The following DYNC2I1 variants were observed in gnomAD, a reference collection of about 807,000 sequenced individuals.
DYNC2I1 encodes dynein 2 intermediate chain 1.
DYNC2I1 carries 89 observed loss-of-function variants against 133.4 expected under a neutral mutation model. The ratio of observed to expected loss-of-function variants is 0.67; its 90% CI spans 0.56 to 0.80. The LOEUF is 0.80. Among genes scored for constraint, DYNC2I1 ranks in the 30% least tolerant of loss-of-function variants. DYNC2I1 has a pLI of 0.00. For synonymous variants in DYNC2I1, 504 were observed against 484.3 expected, an observed-to-expected ratio of 1.04 and a Z score of -0.54; for missense variants, 1,291 against 1,314.5, an observed-to-expected ratio of 0.98 and a Z score of 0.28.
chr7:158,856,800 C>G (rs1262912707), intron 1 of DYNC2I1, 50 bp downstream of exon 1: 3 of 1,231,050 alleles, frequency 2.4e-6, no homozygotes, highest in South Asian at 4.1e-5. Context: ...TTCGCGGACT[C>G]CTTCGGGCGC....
upstream of DYNC2I1, among the ~76,000 whole-genome samples, chr7:158,854,474 A>G (rs1841121290): frequency 1.4e-5 from 2 of 142,806 alleles, no homozygotes; most frequent in Non-Finnish European, 1.5e-5. Context: ...ACACAGGGAG[A>G]GGAACATCAC....
chr7:158,952,729 G>A (rs564786944), intron 4 of DYNC2I1, among the ~76,000 whole-genome samples: 12 of 150,896 alleles, frequency 8.0e-5, no homozygotes, highest in Admixed American at 2.6e-4. Flanking sequence ...GACAGAGTCC[G>A]CACCTTCATA....
intron 8 of DYNC2I1, 59 bp from the exon 9 acceptor site, chr7:158,901,680 T>C (rs1158679173): frequency 9.4e-7 from 1 of 1,058,956 alleles, no homozygotes; most frequent in Non-Finnish European, 1.4e-6. Context: ...CCCAATCTAT[T>C]TGCAATATTC....
At chr7:158,854,111 G>C (rs567201799), upstream of DYNC2I1, among the ~76,000 whole-genome samples, 191 of 152,092 alleles carry the variant, frequency 1.3e-3, no homozygotes, top group Non-Finnish European at 2.2e-3. Context: ...CGCTGAGTCA[G>C]TTCCTAAGTG....
At chr7:158,918,076 C>T (rs1332463809) in intron 14 of DYNC2I1, among the ~76,000 whole-genome samples, 1 of 152,122 alleles carries the variant, frequency 6.6e-6, no homozygotes, top group Admixed American at 6.5e-5. Context: ...CATATTCTGT[C>T]ACTTCTCACT....
chr7:158,931,305 C>G (rs62476516), intron 21 of DYNC2I1, among the ~76,000 whole-genome samples: 3,338 of 152,186 alleles, frequency 0.022, 59 homozygotes, highest in Admixed American at 0.053. Flanking sequence ...ACTCAGGGGT[C>G]AAAATTTTGG....
At chr7:158,881,377 G>A (rs965796400) in intron 5 of DYNC2I1, among the ~76,000 whole-genome samples, 38 of 152,196 alleles carry the variant, frequency 2.5e-4, no homozygotes, top group Admixed American at 1.2e-3. Flanking sequence ...TCAGCCACAC[G>A]GAAGGTTAGT....
chr7:158,921,625 T>G (rs139730327), intron 15 of DYNC2I1, among the ~76,000 whole-genome samples: 169 of 152,120 alleles, frequency 1.1e-3, no homozygotes, highest in African/African-American at 3.7e-3. Context: ...TCCCTGGAAT[T>G]GGAGGGGACG....
chr7:158,864,005 G>A (rs1373849671), intron 1 of DYNC2I1, among the ~76,000 whole-genome samples: 5 of 144,562 alleles, frequency 3.5e-5, no homozygotes, highest in East Asian at 2.1e-4. Context: ...CTGCGGATGT[G>A]GGGGAGAGCG....
chr7:158,923,418 C>T (rs1297835899), intron 16 of DYNC2I1, among the ~76,000 whole-genome samples, 153 bp from the exon 17 acceptor site: 1 of 152,156 alleles, frequency 6.6e-6, no homozygotes, highest in Non-Finnish European at 1.5e-5. Context: ...CCTTTTATTT[C>T]TGTGCAGGAG....
Position 158,942,143 on chromosome 7 carries a change from C to T in DYNC2I1, c.2997C>T (p.Pro999=). 6.5e-7 allele frequency: 1 copy of T among 1,544,248 alleles called. No homozygotes were observed. Among genetic ancestry groups the T allele is most frequent in the Non-Finnish European group, 8.8e-7 (1 of 1,142,334 alleles). ...CTGTCGCCAAACAGCAGGTCTCCCC[C>T]AACAGGCAAGTGGGGAAGCTCTGGA... ...LGPVAKQQVS[P]NRLVAMAAVG... is the part of the protein sequence containing the mutation. Residue 999 remains proline (P), a synonymous_variant, in exon 24 of 25, where the codon CCC becomes CCT. Coordinates refer to ENST00000407559, the MANE Select transcript of DYNC2I1 (RefSeq NM_018051.5).
At chr7:158,942,437 A>G (rs1851468889) in intron 24 of DYNC2I1, among the ~76,000 whole-genome samples, 1 of 152,182 alleles carries the variant, frequency 6.6e-6, no homozygotes, top group Non-Finnish European at 1.5e-5. Context: ...CACCACCACC[A>G]CCGAGTCGAC....
chr7:158,849,115 G>C, the DYNC2I1 span, among the ~76,000 whole-genome samples: 1 of 152,198 alleles, frequency 6.6e-6, no homozygotes, highest in African/African-American at 2.4e-5. Context: ...GAGTCCCTTG[G>C]CTCAGCTCCC....
chr7:158,958,412 C>T (rs1852254910), downstream of DYNC2I1, among the ~76,000 whole-genome samples: 2 of 152,226 alleles, frequency 1.3e-5, no homozygotes, highest in South Asian at 2.1e-4. Flanking sequence ...GTTCTGTGCG[C>T]GGATCAGCTG....
chr7:158,930,009 G>A (rs1850060415), intron 20 of DYNC2I1, among the ~76,000 whole-genome samples: 1 of 152,188 alleles, frequency 6.6e-6, no homozygotes, highest in Non-Finnish European at 1.5e-5. Context: ...ATTCTGCCCG[G>A]AGACCAGCAG....
At position 158,887,024 on chromosome 7, in the gene DYNC2I1, T is replaced by C. The variant is rs767906841; in HGVS notation, c.939T>C (p.His313=). The stretch of plus-strand genomic sequence containing the variant: ...TTTGATTATGTTTGCTTTCCAGGCA[T>C]GCTGAGAATTTAGTAAGGAATCATG... The part of the protein sequence containing the change: ...SSKRDGTSSQ[H]AENLVRNHGK... Residue 313 remains histidine, a synonymous_variant, in exon 7 of 25, where the codon CAT becomes CAC. Transcript: ENST00000407559. 1 of 1,613,952 alleles carries C rather than the reference T, an allele frequency of 6.2e-7. No individual in the cohort carries two copies. Among genetic ancestry groups the C allele is most frequent in the Admixed American group, 1.7e-5 (1 of 60,026 alleles).
chr7:158,957,467 C>T (rs545076169), downstream of DYNC2I1, among the ~76,000 whole-genome samples: 1 of 152,344 alleles, frequency 6.6e-6, no homozygotes, highest in South Asian at 2.1e-4. Flanking sequence ...AAAAAACCTA[C>T]CAGGTAGCTC....
the DYNC2I1 span, among the ~76,000 whole-genome samples, chr7:158,840,392 C>T: frequency 1.3e-5 from 2 of 152,116 alleles, no homozygotes; most frequent in African/African-American, 4.8e-5. Context: ...ATGGCAGAAA[C>T]CCTGTCTCTA....
At chr7:158,926,016 G>A (rs1463629513) in intron 17 of DYNC2I1, among the ~76,000 whole-genome samples, 171 bp from the exon 18 acceptor site, 4 of 152,216 alleles carry the variant, frequency 2.6e-5, no homozygotes, top group East Asian at 3.9e-4. Context: ...TGTCAGTTGT[G>A]TGTGTCAGTC....
Sources: gnomAD v4.1 joint callset for allele counts (sites outside exome capture counted in the v4.1 genomes callset) on GRCh38, gnomAD v4.1.1 for gene constraint, MANE v1.5 for transcripts, NCBI Gene and HGNC (gene_info 2026-07-23, HGNC 2026-07-21) for gene names.